The following POLR3K variants were observed in gnomAD, a reference collection of about 807,000 sequenced individuals.
POLR3K encodes the protein DNA-directed RNA polymerase III subunit RPC10.
POLR3K carries 11 observed loss-of-function variants against 13.5 expected under a neutral mutation model. That is an observed-to-expected ratio of 0.81 (90% CI 0.51 to 1.35). The LOEUF (loss-of-function observed/expected upper bound fraction) is 1.35, where lower values mean the gene tolerates loss of function less well. Among genes scored for constraint, POLR3K ranks in the 40% most tolerant of loss-of-function variants. The pLI is 0.00. For synonymous variants in POLR3K, 56 were observed against 51.5 expected (o/e 1.09, Z -0.38); for missense variants, 144 against 145.3 (o/e 0.99, Z 0.05).
intron 2 of POLR3K, among the ~76,000 whole-genome samples, chr16:48,939 G>A (rs1243849963): frequency 2.0e-5 from 3 of 149,942 alleles, no homozygotes; most frequent in Non-Finnish European, 4.4e-5. Flanking sequence ...GGATCACGAG[G>A]TCGGGAGGTC....
chr16:48,607 C>T (rs771283876), intron 2 of POLR3K, among the ~76,000 whole-genome samples: 60 of 151,644 alleles, frequency 4.0e-4, no homozygotes, highest in Non-Finnish European at 7.1e-4. Context: ...GTCAGGAGAT[C>T]GAGACCATCC....
At chr16:51,844 C>G in intron 1 of POLR3K, 199 bp from the exon 2 acceptor site, 1 of 464,540 alleles carries the variant, frequency 2.2e-6, no homozygotes, top group Non-Finnish European at 3.9e-6. Flanking sequence ...CACGGTGAAA[C>G]CCTGTCTCTA....
intron 2 of POLR3K, 33 bp from the exon 3 acceptor site, chr16:47,590 A>T (rs1596456450): frequency 7.5e-6 from 12 of 1,602,602 alleles, no homozygotes; most frequent in South Asian, 2.2e-5. Context: ...GACCACATTT[A>T]AAAAAAGATG....
intron 2 of POLR3K, among the ~76,000 whole-genome samples, chr16:49,556 C>T (rs953400581): frequency 2.0e-5 from 3 of 151,718 alleles, no homozygotes; most frequent in South Asian, 2.1e-4. Flanking sequence ...CTGCAACCTC[C>T]GCCTCCTGGT....
chr16:52,827 C>A (rs1467753488), intron 1 of POLR3K, among the ~76,000 whole-genome samples: 1 of 146,592 alleles, frequency 6.8e-6, no homozygotes, highest in East Asian at 2.0e-4. Flanking sequence ...GCACACAATA[C>A]ATTACATAAT....
At chr16:50,587 A>G (rs1897322953) in intron 2 of POLR3K, among the ~76,000 whole-genome samples, 2 of 151,106 alleles carry the variant, frequency 1.3e-5, no homozygotes, top group South Asian at 4.2e-4. Context: ...CAGTAGTGTG[A>G]TCTCGGCTCA....
chr16:52,639 G>A lies in POLR3K; in HGVS notation c.111+837C>T, dbSNP rs1897347034. ...AAATCAGCCAGGGGTGGTGGCGGAC[G>A]CCTGTAGTCCCAGCTAATTGGGAGG... On this transcript the variant is annotated intron_variant, in intron 1 of 2. Transcript: ENST00000293860. Among the ~76,000 whole-genome samples, 3 of 150,394 alleles carry A rather than the reference G, an allele frequency of 2.0e-5. No homozygotes were observed. The South Asian group carries it at 6.3e-4, about 31-fold the overall frequency.
At chr16:48,282 C>G (rs74003634) in intron 2 of POLR3K, among the ~76,000 whole-genome samples, 3 of 151,724 alleles carry the variant, frequency 2.0e-5, no homozygotes, top group Non-Finnish European at 4.4e-5. Flanking sequence ...TCATTCCCAC[C>G]ACGCTGTAAC....
intron 2 of POLR3K, among the ~76,000 whole-genome samples, chr16:49,202 G>C (rs550087334): frequency 6.6e-6 from 1 of 152,182 alleles, no homozygotes; most frequent in East Asian, 1.9e-4. Context: ...ACTTTGGGAG[G>C]CTGAGGCCAA....
chr16:49,909 A>G (rs1478785952), intron 2 of POLR3K, among the ~76,000 whole-genome samples: 1 of 152,028 alleles, frequency 6.6e-6, no homozygotes, highest in Non-Finnish European at 1.5e-5. Flanking sequence ...AAATGCTGGG[A>G]TTATAGGTGT....
rs867241220 is a variant in POLR3K at position 47,554 on chromosome 16, G to A, written c.203C>T (p.Ser68Leu). 1.4e-5 allele frequency: 22 copies of A among 1,612,010 alleles called. No individual in the cohort carries two copies. The highest frequency in any genetic ancestry group is 3.3e-5 in the Admixed American group (2 of 59,882). ...ACGAGGATGTTCGCATTTGGGACACGACTCTGGCAATGAGAAAAAAGAAGT... is the reference window on the plus strand; with the variant it reads ...ACGAGGATGTTCGCATTTGGGACACAACTCTGGCAATGAGAAAAAAGAAGT... ...AWENVDSTAE[S>L]CPKCEHPRAY... is the part of the protein sequence containing the mutation. Residue 68 changes from serine to leucine, a missense_variant, in exon 3 of 3, where the codon TCG (serine) becomes TTG (leucine). Ser to Leu is a moderately radical substitution (Grantham distance 145). Transcript: ENST00000293860.
intron 2 of POLR3K, 151 bp downstream of exon 2, chr16:51,407 C>G (rs1897329494): frequency 1.5e-6 from 1 of 672,558 alleles, no homozygotes; most frequent in African/African-American, 1.8e-5. Context: ...GATTATTAAA[C>G]AGTAACAAAT....
intron 2 of POLR3K, 39 bp from the exon 3 acceptor site, chr16:47,596 A>G (rs1360190468): frequency 1.2e-6 from 2 of 1,602,768 alleles, no homozygotes; most frequent in African/African-American, 2.7e-5. Context: ...ATTTAAAAAA[A>G]GATGCTACTC....
intron 2 of POLR3K, among the ~76,000 whole-genome samples, chr16:51,164 T>G (rs1261176032): frequency 1.3e-5 from 2 of 152,234 alleles, no homozygotes; most frequent in Non-Finnish European, 2.9e-5. Flanking sequence ...CTTAGACTCT[T>G]ATTTTTATTA....
chr16:48,672 G>A lies in POLR3K; in HGVS notation c.200-1115C>T, dbSNP rs546017156. On this transcript the variant is annotated intron_variant, in intron 2 of 2. Coordinates refer to ENST00000293860, the MANE Select transcript of POLR3K (RefSeq NM_016310.5). ...TAAAAACACAAAAAATTAGCCAGGC[G>A]TGGTGTCGGGTGCCTGCAGTCCCAG... Among the ~76,000 whole-genome samples, 11 of 151,758 alleles carry A rather than the reference G, an allele frequency of 7.2e-5. 1 individual carries two copies. The highest frequency in any genetic ancestry group is 4.2e-4 in the South Asian group (2 of 4,818).
intron 2 of POLR3K, among the ~76,000 whole-genome samples, chr16:50,285 C>T (rs985241318): frequency 2.0e-5 from 3 of 151,990 alleles, no homozygotes; most frequent in Middle Eastern, 3.4e-3. Flanking sequence ...GGGGGAAAAC[C>T]ACAGTACTAA....
chr16:51,485 C>T, intron 2 of POLR3K, 73 bp downstream of exon 2: 1 of 1,176,374 alleles, frequency 8.5e-7, no homozygotes, highest in East Asian at 2.4e-5. Context: ...ACATCATAGA[C>T]TCTGCCAAGC....
At chr16:49,686 C>G in intron 2 of POLR3K, among the ~76,000 whole-genome samples, 1 of 147,714 alleles carries the variant, frequency 6.8e-6, no homozygotes, top group Non-Finnish European at 1.5e-5. Flanking sequence ...GTTGCCTGGG[C>G]TAGAGTGCAA....
At chr16:52,566 G>GAGACTA (rs1455957240) in intron 1 of POLR3K, among the ~76,000 whole-genome samples, 92 of 149,552 alleles carry the variant, frequency 6.2e-4, no homozygotes, top group African/African-American at 2.2e-3. Flanking sequence ...TCAGGAGACC[G>GAGACTA]TCCTGGCTAA....
Sources: gnomAD v4.1 joint callset for allele counts (sites outside exome capture counted in the v4.1 genomes callset) on GRCh38, gnomAD v4.1.1 for gene constraint, MANE v1.5 for transcripts, NCBI Gene and HGNC (gene_info 2026-07-23, HGNC 2026-07-21) for gene names.